Variants in KHDRBS1 observed in about 807,000 individuals in gnomAD.
KHDRBS1 encodes KH domain-containing, RNA-binding, signal transduction-associated protein 1.
KHDRBS1 carries 7 observed loss-of-function variants against 48.4 expected under a neutral mutation model. The observed-to-expected ratio is 0.14, with a 90% CI of 0.08 to 0.27. The LOEUF (loss-of-function observed/expected upper bound fraction) is 0.27. Ranked by LOEUF, KHDRBS1 falls within the 10% of genes least tolerant of loss-of-function variation. The pLI, the probability that KHDRBS1 is intolerant of heterozygous loss-of-function variation, is 1.00. For missense variants in KHDRBS1, 458 were observed against 601.2 expected (o/e 0.76, Z 2.49); for synonymous variants, 241 against 235.8 (o/e 1.02, Z -0.20).
rs780943655 is a variant in KHDRBS1 at position 32,014,097 on chromosome 1, G to A, written c.102G>A (p.Pro34=). ...SGAHPSVRQT[P]SRQPPLPHRS... is the part of the protein sequence containing the mutation. ...CCCACCCCTCGGTGCGTCAGACGCC[G>A]TCTCGGCAGCCGCCGCTGCCTCACC... Residue 34 remains proline, a synonymous_variant, in exon 1 of 9, where the codon CCG becomes CCA. Transcript: ENST00000327300. 1.9e-5 allele frequency: 28 copies of A among 1,446,144 alleles called. No individual in the cohort carries two copies. Among genetic ancestry groups the A allele is most frequent in the Admixed American group, 2.7e-5 (1 of 37,630 alleles). 89.6% of individuals were successfully genotyped at this position (1,446,144 alleles called of 1,614,324 possible). A position where few individuals can be genotyped will look rare whatever the true frequency, so the allele number is the denominator to read the frequency against.
chr1:32,013,951 G>A lies in KHDRBS1; in HGVS notation c.-45G>A, dbSNP rs6667294. The A allele has an allele frequency of 7.1e-7, 1 of 1,399,436 alleles. No homozygotes were observed. 86.7% of individuals were successfully genotyped at this position (1,399,436 alleles called of 1,614,324 possible). A position where few individuals can be genotyped will look rare whatever the true frequency, so the allele number is the denominator to read the frequency against. Reference sequence around the variant, plus strand: ...GCCAACCGCCGCTCGGGCCTCCGTCGCTGCCGCGTCGCTTTCTCGCTCCTT... The same window carrying A: ...GCCAACCGCCGCTCGGGCCTCCGTCACTGCCGCGTCGCTTTCTCGCTCCTT... On this transcript the variant is annotated 5_prime_UTR_variant, in exon 1 of 9. Transcript: ENST00000327300.
chr1:32,060,024 G>A (rs369308007), intron 10 of KHDRBS1: 9 of 152,336 alleles, frequency 5.9e-5, no homozygotes, highest in African/African-American at 2.2e-4. Context: ...GTGTACCCAA[G>A]AAACTTGTGT....
intron 4 of KHDRBS1, among the ~76,000 whole-genome samples, chr1:32,033,730 G>A (rs1445906686): frequency 6.6e-6 from 1 of 152,204 alleles, no homozygotes; most frequent in Non-Finnish European, 1.5e-5. Context: ...AGAAGTTCAT[G>A]CTGTAGAGAG....
At chr1:32,052,440 C>T (rs1490562745) in intron 10 of KHDRBS1, 3 of 151,310 alleles carry the variant, frequency 2.0e-5, no homozygotes, top group African/African-American at 7.3e-5. Context: ...CTCTGTCGCC[C>T]GGGCTGGATT....
chr1:32,021,616 T>C (rs1312096620), intron 1 of KHDRBS1, among the ~76,000 whole-genome samples: 1 of 152,062 alleles, frequency 6.6e-6, no homozygotes, highest in Admixed American at 6.6e-5. Flanking sequence ...ACCATACTTT[T>C]TTGTATTTGT....
intron 8 of KHDRBS1, among the ~76,000 whole-genome samples, chr1:32,041,186 T>G (rs1191661656): frequency 2.6e-5 from 4 of 152,146 alleles, no homozygotes; most frequent in Non-Finnish European, 5.9e-5. Context: ...TCCAGGATGA[T>G]CTGTATACGT....
chr1:32,040,289 G>A (rs1356499848), intron 8 of KHDRBS1, among the ~76,000 whole-genome samples: 3 of 152,172 alleles, frequency 2.0e-5, no homozygotes, highest in Non-Finnish European at 2.9e-5. Flanking sequence ...GGTGGTGGGC[G>A]CCTTTAATCT....
At chr1:32,026,422 T>A (rs909923314) in intron 1 of KHDRBS1, among the ~76,000 whole-genome samples, 6 of 152,142 alleles carry the variant, frequency 3.9e-5, no homozygotes, top group African/African-American at 1.4e-4. Context: ...CTTCCCCAAA[T>A]GCTGAGATTA....
intron 10 of KHDRBS1, chr1:32,052,778 T>C (rs182359239): frequency 6.6e-6 from 1 of 152,260 alleles, no homozygotes; most frequent in Non-Finnish European, 1.5e-5. Context: ...AATTCAGACA[T>C]GCATTGACTA....
chr1:32,041,694 C>T (rs1023644292), intron 8 of KHDRBS1, among the ~76,000 whole-genome samples: 1 of 145,768 alleles, frequency 6.9e-6, no homozygotes, highest in African/African-American at 2.5e-5. Context: ...GGTTCAAGCA[C>T]TTCTCCTGCC....
At chr1:32,054,709 G>A (rs1195594613) in intron 10 of KHDRBS1, among the ~76,000 whole-genome samples, 1 of 152,152 alleles carries the variant, frequency 6.6e-6, no homozygotes, top group Non-Finnish European at 1.5e-5. Flanking sequence ...CCTATGGCCC[G>A]GGACGGCTTT....
downstream of KHDRBS1, among the ~76,000 whole-genome samples, chr1:32,046,295 A>C (rs1168554350): frequency 6.6e-6 from 1 of 151,754 alleles, no homozygotes; most frequent in Non-Finnish European, 1.5e-5. Context: ...GCTCACTGCA[A>C]CCTCCGCCTC....
intron 1 of KHDRBS1, 120 bp downstream of exon 1, chr1:32,014,497 A>G: frequency 3.8e-6 from 4 of 1,057,884 alleles, no homozygotes; most frequent in Non-Finnish European, 4.9e-6. Context: ...TTCCGGTCTC[A>G]TCCTCATTTT....
chr1:32,056,607 C>G (rs893125930), intron 10 of KHDRBS1, among the ~76,000 whole-genome samples: 3 of 152,204 alleles, frequency 2.0e-5, no homozygotes, highest in African/African-American at 7.2e-5. Flanking sequence ...GGTCTTCTAA[C>G]TCCAGCAGCC....
At chr1:32,020,423 CAAAA>C (rs938260035) in intron 1 of KHDRBS1, among the ~76,000 whole-genome samples, 12 of 144,784 alleles carry the variant, frequency 8.3e-5, no homozygotes, top group Non-Finnish European at 1.2e-4. Context: ...GATCCTGTCT[CAAAA>C]AAAAAACGTG....
chr1:32,019,052 G>A (rs886757825), intron 1 of KHDRBS1, among the ~76,000 whole-genome samples: 11 of 145,790 alleles, frequency 7.5e-5, no homozygotes, highest in African/African-American at 2.8e-4. Context: ...CCGAGATTGC[G>A]CCGCCACTGC....
At chr1:32,060,578 G>A (rs1639531838) in exon 11 of KHDRBS1, 1 of 152,156 alleles carries the variant, frequency 6.6e-6, no homozygotes, top group Non-Finnish European at 1.5e-5. Flanking sequence ...TGTTATGGGT[G>A]TCAGCCTGTG....
chr1:32,044,067 T>A (rs1273935808), downstream of KHDRBS1, among the ~76,000 whole-genome samples: 1 of 152,188 alleles, frequency 6.6e-6, no homozygotes, highest in Non-Finnish European at 1.5e-5. Flanking sequence ...AGTTTAAAAA[T>A]AACCAAAGCT....
At chr1:32,031,250 A>C (rs1365301794) in intron 2 of KHDRBS1, among the ~76,000 whole-genome samples, 1 of 152,190 alleles carries the variant, frequency 6.6e-6, no homozygotes, top group African/African-American at 2.4e-5. Flanking sequence ...CTGTCTCAAA[A>C]TAAAGTAAAA....
Sources: allele counts gnomAD v4.1 joint callset (sites outside exome capture counted in the v4.1 genomes callset), GRCh38; gene constraint gnomAD v4.1.1; transcripts MANE v1.5; gene names NCBI Gene and HGNC (gene_info 2026-07-23, HGNC 2026-07-21).